CADPS: variants seen among roughly 807,000 people sequenced by gnomAD.
CADPS encodes calcium dependent secretion activator.
Under a neutral mutation model 167.3 loss-of-function variants are expected in CADPS, and 57 were observed. That is an observed-to-expected ratio of 0.34 (90% CI 0.28 to 0.42). The LOEUF (loss-of-function observed/expected upper bound fraction) is 0.42, where lower values mean the gene tolerates loss of function less well. CADPS is among the 20% of genes least tolerant of loss of function. The pLI, the probability that CADPS is intolerant of heterozygous loss-of-function variation, is 1.00. For missense variants in CADPS, 1,414 were observed against 1,738.1 expected (o/e 0.81, Z 3.32); for synonymous variants, 676 against 635.3 (o/e 1.06, Z -0.96).
chr3:62,533,159 C>A, intron 12 of CADPS, 101 bp from the exon 13 acceptor site: 1 of 957,334 alleles, frequency 1.0e-6, no homozygotes, highest in Non-Finnish European at 1.6e-6. Flanking sequence ...GAAAAATAGC[C>A]AGAGCTAACA....
intron 17 of CADPS, 91 bp from the exon 18 acceptor site, chr3:62,499,359 T>C: frequency 1.3e-6 from 1 of 776,180 alleles, no homozygotes; most frequent in South Asian, 1.5e-5. Flanking sequence ...TTGAGAATAG[T>C]TATCAGTTTT....
At chr3:62,648,768 T>G (rs898557560) in intron 5 of CADPS, among the ~76,000 whole-genome samples, 1 of 151,128 alleles carries the variant, frequency 6.6e-6, no homozygotes, top group African/African-American at 2.4e-5. Flanking sequence ...TCCCCCCGTT[T>G]CTGTAGGAAG....
intron 3 of CADPS, among the ~76,000 whole-genome samples, chr3:62,701,015 A>G (rs2081287044): frequency 6.6e-6 from 1 of 151,964 alleles, no homozygotes; most frequent in African/African-American, 2.4e-5. Context: ...AGAGCAAGAG[A>G]GCTCTCTGCT....
rs1376044221 is a variant in CADPS at position 62,702,992 on chromosome 3, T to A, written c.889-40598A>T. ...CTCTTGCCCAGGATGACATAGCCAG[T>A]AAGTGGGATTTTAGCTGAGATATCC... On this transcript the variant is annotated intron_variant, in intron 3 of 29. Coordinates refer to ENST00000383710, the MANE Select transcript of CADPS (RefSeq NM_003716.4). 3.9e-5 allele frequency among the ~76,000 whole-genome samples: 6 copies of A among 152,106 alleles called. No individual in the cohort carries two copies. The East Asian group carries it at 7.7e-4, about 20-fold the overall frequency.
Position 62,406,320 on chromosome 3 carries a change from G to A in CADPS, c.3778-3135C>T, listed in dbSNP as rs552823312. On this transcript the variant is annotated intron_variant, in intron 28 of 29. Coordinates refer to ENST00000383710, the MANE Select transcript of CADPS (RefSeq NM_003716.4). ...CAGCACAATCCTTGGTGTCTGGGTT[G>A]TTCTGCTCTTCCTCACGGGGCTCAC... Among the ~76,000 whole-genome samples, 121 of 152,298 alleles carry A rather than the reference G, an allele frequency of 7.9e-4. 2 individuals carry two copies. The South Asian group carries it at 0.023, about 29-fold the overall frequency.
At chr3:62,486,444 C>CAA (rs1219097343) in intron 21 of CADPS, among the ~76,000 whole-genome samples, 193 of 62,844 alleles carry the variant, frequency 3.1e-3, no homozygotes, top group East Asian at 7.5e-3. Context: ...GACTCCGTCT[C>CAA]AAAAAAAAAA....
chr3:62,640,939 A>ATT lies in CADPS; in HGVS notation c.1325+4781_1325+4782dup, dbSNP rs150485783. Among the ~76,000 whole-genome samples the ATT allele has an allele frequency of 1.1e-4, 17 of 150,096 alleles. No homozygotes were observed. In the South Asian group the frequency reaches 3.2e-3, roughly 28 times the overall value. On this transcript the variant is annotated intron_variant, in intron 6 of 29. Coordinates refer to ENST00000383710, the MANE Select transcript of CADPS (RefSeq NM_003716.4). ...GGAATATGTCAGGTTTCTTTACATC[A>ATT]TTTTTTTTTCAAATTTACTTTATTT...
rs2077353882 is a variant in CADPS, at chr3:62,682,753, T to C, written c.889-20359A>G. Among the ~76,000 whole-genome samples the C allele has an allele frequency of 3.3e-5, 5 of 152,046 alleles. No homozygotes were observed. In the South Asian group the frequency reaches 1.0e-3, roughly 32 times the overall value. On this transcript the variant is annotated intron_variant, in intron 3 of 29. Coordinates refer to ENST00000383710, the MANE Select transcript of CADPS (RefSeq NM_003716.4). Reference sequence around the variant, plus strand: ...TAAGCATAGACTGCTCCAGAAAAGGTACAGGTCCTAAGAATACAATGAAGA... The same window carrying C: ...TAAGCATAGACTGCTCCAGAAAAGGCACAGGTCCTAAGAATACAATGAAGA...
chr3:62,806,060 T>G (rs1345295525), intron 1 of CADPS, among the ~76,000 whole-genome samples: 1 of 152,100 alleles, frequency 6.6e-6, no homozygotes, highest in Non-Finnish European at 1.5e-5. Context: ...CCCTTCATAA[T>G]GTACCCCTCA....
intron 1 of CADPS, among the ~76,000 whole-genome samples, chr3:62,773,008 G>GA (rs2089312374): frequency 1.3e-5 from 2 of 151,942 alleles, no homozygotes; most frequent in South Asian, 2.1e-4. Context: ...CATTATCTGG[G>GA]AAAAAAGGGA....
chr3:62,570,171 G>A (rs566121456), intron 9 of CADPS, among the ~76,000 whole-genome samples: 1 of 151,414 alleles, frequency 6.6e-6, no homozygotes. Context: ...ACATTGAAAG[G>A]TATCTAAATA....
chr3:62,416,908 CACCCAGGCTGCTGTT>C (rs2050173365), intron 28 of CADPS, among the ~76,000 whole-genome samples: 2 of 151,458 alleles, frequency 1.3e-5, no homozygotes, highest in South Asian at 4.2e-4. Flanking sequence ...ACTCTGTCAT[CACCCAGGCTGCTGTT>C]ACCCAGGCTG....
intron 3 of CADPS, among the ~76,000 whole-genome samples, chr3:62,669,598 C>G (rs1485333102): frequency 6.6e-6 from 1 of 152,186 alleles, no homozygotes; most frequent in African/African-American, 2.4e-5. Context: ...GCAGGTGCCC[C>G]CACTCCACTG....
At chr3:62,585,036 C>CA (rs1356057216) in intron 8 of CADPS, 149 bp downstream of exon 8, 1 of 723,058 alleles carries the variant, frequency 1.4e-6, no homozygotes, top group East Asian at 2.9e-5. Context: ...AGGAAGTTTA[C>CA]AGTAAATATC....
At chr3:62,672,139 A>C (rs2075641130) in intron 3 of CADPS, among the ~76,000 whole-genome samples, 1 of 151,940 alleles carries the variant, frequency 6.6e-6, no homozygotes, top group Non-Finnish European at 1.5e-5. Context: ...AACCTCTATT[A>C]AAATCCAGTG....
In CADPS at chr3:62,458,940, T is replaced by C. The variant is rs76310082; in HGVS notation, c.3636+6427A>G. On this transcript the variant is annotated intron_variant, in intron 26 of 29. Transcript: ENST00000383710. The surrounding 1 kb of genome is among the most constrained non-coding windows in gnomAD (Gnocchi z 4.6). ...CTTTGGATACTTATCTTTTCTCTTC[T>C]GTAAAGCTTCTGAAGGGTTGCTTCA... Among the ~76,000 whole-genome samples, 710 of 152,368 alleles carry C rather than the reference T, an allele frequency of 4.7e-3. 4 individuals carry two copies. Among genetic ancestry groups the C allele is most frequent in the African/African-American group, 0.016 (679 of 41,580 alleles).
intron 21 of CADPS, among the ~76,000 whole-genome samples, chr3:62,482,873 A>G (rs2062208431): frequency 6.6e-6 from 1 of 152,212 alleles, no homozygotes; most frequent in South Asian, 2.1e-4. Context: ...GTTACCTCAT[A>G]CCAGCCTTTT....
chr3:62,518,095 T>C (rs1023369566), intron 14 of CADPS, 54 bp downstream of exon 14: 1 of 1,254,016 alleles, frequency 8.0e-7, no homozygotes, highest in South Asian at 1.2e-5. Flanking sequence ...GTCCTTTAGT[T>C]TTCCCTTCCC....
At position 62,731,828 on chromosome 3, in the gene CADPS, A is replaced by G. The variant is rs1475396420; in HGVS notation, c.888+21613T>C. The stretch of plus-strand genomic sequence containing the variant: ...TGCAAAAAAAAAAAAAAAAAAAAAA[A>G]AAGTAAAGAAGGAAGAAAGGAAAGA... On this transcript the variant is annotated intron_variant, in intron 3 of 29. Transcript: ENST00000383710. Among the ~76,000 whole-genome samples, 101 of 76,934 alleles carry G rather than the reference A, an allele frequency of 1.3e-3. 1 individual carries two copies. The highest frequency in any genetic ancestry group is 8.5e-3 in the African/African-American group (75 of 8,784). 50.5% of individuals were successfully genotyped at this position (76,934 alleles called of 152,430 possible).
Sources: gnomAD v4.1 joint callset for allele counts (sites outside exome capture counted in the v4.1 genomes callset) on GRCh38, gnomAD v4.1.1 for gene constraint, Gnocchi (gnomAD v3.1) non-coding constraint, MANE v1.5 for transcripts, NCBI Gene and HGNC (gene_info 2026-07-23, HGNC 2026-07-21) for gene names.